CNTNAP5: variants seen among roughly 807,000 people sequenced by gnomAD.
CNTNAP5 encodes the protein contactin-associated protein-like 5.
CNTNAP5 carries 72 observed loss-of-function variants against 150.2 expected under a neutral mutation model. The observed-to-expected ratio is 0.48, with a 90% CI of 0.40 to 0.58. The LOEUF (loss-of-function observed/expected upper bound fraction) is 0.58. CNTNAP5 is among the 20% of genes least tolerant of loss of function. The probability of loss-of-function intolerance (pLI) is 0.00; values close to 1 mark genes in which losing one functional copy is unlikely to be tolerated. For missense variants in CNTNAP5, 1,636 were observed against 1,626.2 expected (o/e 1.01, Z -0.10); for synonymous variants, 672 against 619.8 (o/e 1.08, Z -1.25).
At chr2:124,057,846 G>C (rs1251196754) in intron 1 of CNTNAP5, among the ~76,000 whole-genome samples, 1 of 152,028 alleles carries the variant, frequency 6.6e-6, no homozygotes, top group Non-Finnish European at 1.5e-5. Context: ...GTAATACAAA[G>C]GAGAAATGCT....
chr2:124,914,132 C>G lies in CNTNAP5; in HGVS notation c.3768C>G (p.Ile1256Met), dbSNP rs374804076. The G allele has an allele frequency of 1.9e-6, 3 of 1,612,436 alleles. No individual in the cohort carries two copies. Among genetic ancestry groups the G allele is most frequent in the Non-Finnish European group, 2.5e-6 (3 of 1,178,908 alleles). The change falls in exon 24 of 24, where the codon ATC becomes ATG. Residue 1256 changes from isoleucine (I) to methionine (M), a missense_variant. By Grantham distance (10) the Ile-to-Met change is conservative. Transcript: ENST00000682447. ...TGATATTCATCATCTTCTGTATCAT[C>G]GGCATCATGACCCGGTTCCTCTACC... Reference protein sequence around the residue: ...AVVIFIIFCIIGIMTRFLYQH... With the variant: ...AVVIFIIFCIMGIMTRFLYQH...
chr2:124,233,813 C>T (rs914811886), intron 2 of CNTNAP5, among the ~76,000 whole-genome samples: 1 of 148,888 alleles, frequency 6.7e-6, no homozygotes, highest in Non-Finnish European at 1.5e-5. Context: ...ATTATTTTAT[C>T]CATGGTATGG....
At chr2:124,273,989 G>C (rs1244287404) in intron 3 of CNTNAP5, among the ~76,000 whole-genome samples, 1 of 152,064 alleles carries the variant, frequency 6.6e-6, no homozygotes, top group East Asian at 1.9e-4. Context: ...CTAGCAAGCT[G>C]CATATTCAGC....
At chr2:124,036,753 C>T (rs1370563271) in intron 1 of CNTNAP5, among the ~76,000 whole-genome samples, 3 of 152,064 alleles carry the variant, frequency 2.0e-5, no homozygotes, top group Non-Finnish European at 4.4e-5. Context: ...TATTTGTTAC[C>T]AACAGTCCTA....
chr2:124,401,997 C>T (rs1296211072), intron 3 of CNTNAP5, among the ~76,000 whole-genome samples: 1 of 152,142 alleles, frequency 6.6e-6, no homozygotes, highest in Non-Finnish European at 1.5e-5. Flanking sequence ...ATTATATCCC[C>T]TCACTAAGAA....
intron 11 of CNTNAP5, among the ~76,000 whole-genome samples, chr2:124,581,000 G>C (rs1218035921): frequency 6.6e-6 from 1 of 152,144 alleles, no homozygotes; most frequent in East Asian, 1.9e-4. Flanking sequence ...TAGAGGGAAT[G>C]CCTGGCTCCT....
chr2:124,876,825 A>G (rs1030282050), intron 21 of CNTNAP5, among the ~76,000 whole-genome samples: 1 of 152,044 alleles, frequency 6.6e-6, no homozygotes, highest in South Asian at 2.1e-4. Flanking sequence ...ATAATTTTTA[A>G]TGATACTGTC....
chr2:124,877,496 G>T (rs916410033), intron 21 of CNTNAP5, among the ~76,000 whole-genome samples: 2 of 152,060 alleles, frequency 1.3e-5, no homozygotes, highest in African/African-American at 4.8e-5. Context: ...GTTTTGTGTG[G>T]TGGCCCAGAA....
intron 8 of CNTNAP5, 147 bp downstream of exon 8, chr2:124,504,703 A>AT (rs34518488): frequency 0.036 from 13,377 of 368,762 alleles, 47 homozygotes; most frequent in South Asian, 0.041. Flanking sequence ...AAGAGGCAGC[A>AT]TTTTTTTTTT....
intron 19 of CNTNAP5, among the ~76,000 whole-genome samples, chr2:124,821,136 T>C (rs1682476936): frequency 6.6e-6 from 1 of 152,176 alleles, no homozygotes; most frequent in African/African-American, 2.4e-5. Flanking sequence ...GAAAAGTAAA[T>C]ATGTATCTGG....
chr2:124,276,885 T>C (rs368590383), intron 3 of CNTNAP5, among the ~76,000 whole-genome samples: 1 of 152,248 alleles, frequency 6.6e-6, no homozygotes, highest in African/African-American at 2.4e-5. Context: ...AAGGCTGTTA[T>C]TTTGGCAGGA....
At chr2:124,176,905 C>T (rs1188153437) in intron 1 of CNTNAP5, among the ~76,000 whole-genome samples, 1 of 142,494 alleles carries the variant, frequency 7.0e-6, no homozygotes, top group Non-Finnish European at 1.5e-5. Context: ...AGTGCAATGG[C>T]ATGATCTTGG....
chr2:124,257,539 G>A (rs1044235535), intron 3 of CNTNAP5, among the ~76,000 whole-genome samples: 5 of 152,150 alleles, frequency 3.3e-5, no homozygotes, highest in African/African-American at 1.2e-4. Flanking sequence ...TCCACCTTCT[G>A]TAAATTCTTC....
chr2:124,594,177 T>A (rs1276953942), intron 11 of CNTNAP5, among the ~76,000 whole-genome samples: 127 of 131,948 alleles, frequency 9.6e-4, no homozygotes, highest in African/African-American at 3.5e-3. Flanking sequence ...TTGGTTGCCA[T>A]TGCTTTTGGT....
chr2:124,510,517 A>ATC (rs1694561987), intron 8 of CNTNAP5, among the ~76,000 whole-genome samples: 1 of 97,896 alleles, frequency 1.0e-5, no homozygotes, highest in South Asian at 3.0e-4. Context: ...ATATATATAT[A>ATC]TACATATATC....
intron 4 of CNTNAP5, among the ~76,000 whole-genome samples, chr2:124,426,252 T>C (rs2104786853): frequency 6.6e-6 from 1 of 152,284 alleles, no homozygotes; most frequent in South Asian, 2.1e-4. Flanking sequence ...AAAGAAAAGC[T>C]ATGTTAGGAG....
chr2:124,516,473 T>C (rs1694720285), intron 8 of CNTNAP5, among the ~76,000 whole-genome samples: 1 of 152,320 alleles, frequency 6.6e-6, no homozygotes, highest in Non-Finnish European at 1.5e-5. Flanking sequence ...GATGATGTAA[T>C]AGGTTTAGAG....
intron 1 of CNTNAP5, among the ~76,000 whole-genome samples, chr2:124,162,858 A>G (rs1684718683): frequency 6.6e-6 from 1 of 152,164 alleles, no homozygotes; most frequent in Non-Finnish European, 1.5e-5. Context: ...GCATGCCACC[A>G]TGATTTCTGC....
intron 21 of CNTNAP5, among the ~76,000 whole-genome samples, chr2:124,901,964 C>T (rs905297114): frequency 2.6e-5 from 4 of 152,108 alleles, no homozygotes; most frequent in Non-Finnish European, 5.9e-5. Context: ...AAATTATAAT[C>T]TATGCCAGTA....
Sources: allele counts gnomAD v4.1 joint callset (sites outside exome capture counted in the v4.1 genomes callset), GRCh38; gene constraint gnomAD v4.1.1; transcripts MANE v1.5; gene names NCBI Gene and HGNC (gene_info 2026-07-23, HGNC 2026-07-21).